SMIM35: variants seen among roughly 807,000 people sequenced by gnomAD.
SMIM35 encodes the protein small integral membrane protein 35.
intron 4 of SMIM35, among the ~76,000 whole-genome samples, chr11:118,010,185 A>C (rs1014900341): frequency 1.3e-5 from 2 of 152,220 alleles, no homozygotes; most frequent in Non-Finnish European, 2.9e-5. Context: ...TTGATCACTA[A>C]GCAGTTTTTA....
intron 1 of SMIM35, among the ~76,000 whole-genome samples, chr11:118,033,497 T>A (rs1186200286): frequency 6.6e-6 from 1 of 152,182 alleles, no homozygotes; most frequent in African/African-American, 2.4e-5. Flanking sequence ...GCCTTCTCTG[T>A]ATAGTCAAGG....
At chr11:118,035,423 C>T (rs1372249376) in intron 1 of SMIM35, among the ~76,000 whole-genome samples, 2 of 152,214 alleles carry the variant, frequency 1.3e-5, no homozygotes, top group Non-Finnish European at 2.9e-5. Context: ...GGTCAAGGCA[C>T]ATAGGAGCGC....
At chr11:118,024,015 C>CAAAAA (rs34791559) in intron 1 of SMIM35, among the ~76,000 whole-genome samples, 54 of 134,414 alleles carry the variant, frequency 4.0e-4, no homozygotes, top group Non-Finnish European at 3.1e-4. Flanking sequence ...ATGCCTTCTC[C>CAAAAA]AAAAAAAAAA....
chr11:118,080,921 A>T (rs1263850911), intron 1 of SMIM35, among the ~76,000 whole-genome samples: 2 of 152,200 alleles, frequency 1.3e-5, no homozygotes, highest in African/African-American at 4.8e-5. Context: ...CCAAGCAAGG[A>T]TTCCCTGGGA....
chr11:118,067,361 T>C (rs1454420972), intron 1 of SMIM35: 1 of 152,146 alleles, frequency 6.6e-6, no homozygotes, highest in Admixed American at 6.5e-5. Flanking sequence ...CCACACTAAG[T>C]TCAGCATCAA....
At chr11:118,018,700 C>T (rs1287462739) in intron 1 of SMIM35, among the ~76,000 whole-genome samples, 1 of 152,040 alleles carries the variant, frequency 6.6e-6, no homozygotes, top group Non-Finnish European at 1.5e-5. Context: ...TTCCAGAGAC[C>T]CTGAGGTGAG....
intron 1 of SMIM35, among the ~76,000 whole-genome samples, chr11:118,070,349 G>C (rs1297129379): frequency 6.6e-6 from 1 of 152,068 alleles, no homozygotes; most frequent in African/African-American, 2.4e-5. Context: ...GCTAATTTTT[G>C]TATTTTTAGT....
At chr11:118,043,359 A>G (rs929381126) in intron 1 of SMIM35, among the ~76,000 whole-genome samples, 5 of 152,182 alleles carry the variant, frequency 3.3e-5, no homozygotes, top group East Asian at 1.9e-4. Context: ...ATAACAGAAT[A>G]TTCGGTCATA....
At chr11:118,020,203 T>G (rs1273446990) in intron 1 of SMIM35, among the ~76,000 whole-genome samples, 2 of 152,208 alleles carry the variant, frequency 1.3e-5, no homozygotes, top group East Asian at 3.9e-4. Context: ...GCAGCAGAGG[T>G]TGCAGTGAGC....
At chr11:118,061,843 C>A (rs939893782) in intron 1 of SMIM35, among the ~76,000 whole-genome samples, 2 of 152,104 alleles carry the variant, frequency 1.3e-5, no homozygotes, top group African/African-American at 4.8e-5. Context: ...CAAAACCAAC[C>A]CTCCCTGCTC....
chr11:118,079,596 G>A (rs1016275377), intron 1 of SMIM35, among the ~76,000 whole-genome samples: 4 of 152,174 alleles, frequency 2.6e-5, no homozygotes, highest in Admixed American at 1.3e-4. Flanking sequence ...AGACCTAAAC[G>A]CACCCTGAGC....
At chr11:118,009,493 G>T (rs993368246) in intron 4 of SMIM35, among the ~76,000 whole-genome samples, 1 of 152,146 alleles carries the variant, frequency 6.6e-6, no homozygotes, top group African/African-American at 2.4e-5. Context: ...TACAGGTAAA[G>T]TTGGTTGGGA....
At chr11:118,068,015 A>G (rs1944510459) in intron 1 of SMIM35, among the ~76,000 whole-genome samples, 1 of 151,366 alleles carries the variant, frequency 6.6e-6, no homozygotes, top group South Asian at 2.1e-4. Flanking sequence ...TCTGGGTACA[A>G]GAACTCTAGT....
intron 1 of SMIM35, among the ~76,000 whole-genome samples, chr11:118,056,773 G>C (rs61900567): frequency 0.33 from 50,883 of 152,086 alleles, 8,680 homozygotes; most frequent in Admixed American, 0.39. Flanking sequence ...AAAGGCTCCA[G>C]GAAGACAGGC....
At chr11:118,057,529 G>A (rs1207208557) in intron 1 of SMIM35, among the ~76,000 whole-genome samples, 1 of 152,214 alleles carries the variant, frequency 6.6e-6, no homozygotes, top group African/African-American at 2.4e-5. Context: ...AGGCAGTGCC[G>A]TTGCTGTGGT....
chr11:118,021,887 G>A (rs374432975), intron 1 of SMIM35, among the ~76,000 whole-genome samples: 3 of 152,120 alleles, frequency 2.0e-5, no homozygotes, highest in Admixed American at 6.6e-5. Context: ...AGGATATAGA[G>A]GACACAAACA....
chr11:118,051,904 G>A (rs1291509380), intron 1 of SMIM35, among the ~76,000 whole-genome samples: 2 of 151,372 alleles, frequency 1.3e-5, no homozygotes, highest in African/African-American at 2.5e-5. Context: ...TTGTGAACAA[G>A]AGACACGGGT....
In SMIM35 at chr11:118,021,200, G is replaced by A. The variant is rs113941812; in HGVS notation, c.8-5391C>T. On this transcript the variant is annotated intron_variant, in intron 1 of 4. Coordinates refer to ENST00000689828, the MANE Select transcript of SMIM35 (RefSeq NM_001394165.1). ...AAAGCTTTTAGAAGCTTACTCTGTA[G>A]GAGGTAAAACATTGGAAATTATTGT... 4.0e-4 allele frequency among the ~76,000 whole-genome samples: 61 copies of A among 152,160 alleles called. 1 individual carries two copies. In the Middle Eastern group the frequency reaches 0.01, roughly 25 times the overall value.
intron 1 of SMIM35, among the ~76,000 whole-genome samples, chr11:118,070,638 G>C (rs1278891534): frequency 6.6e-6 from 1 of 152,232 alleles, no homozygotes; most frequent in Non-Finnish European, 1.5e-5. Context: ...GTATCCTGGA[G>C]AGACAGATGA....
Sources: gnomAD v4.1 joint callset for allele counts (sites outside exome capture counted in the v4.1 genomes callset) on GRCh38, gnomAD v4.1.1 for gene constraint, MANE v1.5 for transcripts, NCBI Gene and HGNC (gene_info 2026-07-23, HGNC 2026-07-21) for gene names.